The following MBP variants were observed in gnomAD, a reference collection of about 807,000 sequenced individuals.
MBP encodes myelin basic protein.
In MBP, 16 loss-of-function variants were observed where a neutral mutation model predicts 35.8. That is an observed-to-expected ratio of 0.45 (90% CI 0.30 to 0.68). MBP has a LOEUF of 0.68. MBP is among the 30% of genes least tolerant of loss of function. The probability of loss-of-function intolerance (pLI) is 0.08; values close to 1 mark genes in which losing one functional copy is unlikely to be tolerated. For missense variants in MBP, 380 were observed against 404.7 expected (o/e 0.94, Z 0.52); for synonymous variants, 143 against 159.6 (o/e 0.90, Z 0.78).
chr18:77,045,310 G>C (rs142179265), intron 3 of MBP, among the ~76,000 whole-genome samples: 6 of 152,334 alleles, frequency 3.9e-5, no homozygotes, highest in Admixed American at 3.3e-4. Flanking sequence ...GCCGGCATCA[G>C]GTCAGGGTCT....
At position 76,988,271 on chromosome 18, in the gene MBP, G is replaced by C. The variant is rs1489982331; in HGVS notation, c.750+224C>G. The C allele has an allele frequency of 1.3e-6, 2 of 1,550,984 alleles. No individual in the cohort carries two copies. Among genetic ancestry groups the C allele is most frequent in the Admixed American group, 3.9e-5 (2 of 51,042 alleles). ...AGAGGATCTGGCCTTGCAGGGCTGG[G>C]TCCCCGGCACAGAAGCAAGAGACCA... On this transcript the variant is annotated intron_variant, in intron 7 of 8. Coordinates refer to ENST00000355994, the MANE Select transcript of MBP (RefSeq NM_001025101.2). This position sits in a 1 kb window ranked among gnomAD's most constrained non-coding sequence, Gnocchi z 5.2.
chr18:77,013,610 G>C (rs1971465128), intron 4 of MBP: 2 of 985,288 alleles, frequency 2.0e-6, no homozygotes, highest in Non-Finnish European at 2.4e-6. Flanking sequence ...TAGAGGCATA[G>C]AAGTCATACT....
chr18:76,995,122 G>C (rs1011353176), intron 4 of MBP, among the ~76,000 whole-genome samples: 3 of 152,036 alleles, frequency 2.0e-5, no homozygotes, highest in African/African-American at 7.2e-5. Flanking sequence ...CAAAATATTA[G>C]GTATACATTT....
intron 2 of MBP, among the ~76,000 whole-genome samples, chr18:77,086,307 T>C (rs1975233515): frequency 6.6e-6 from 1 of 152,208 alleles, no homozygotes; most frequent in Non-Finnish European, 1.5e-5. Context: ...CTGCATGTGT[T>C]CCAAAGAGTT....
At position 76,984,867 on chromosome 18, in the gene MBP, C is replaced by T; in HGVS notation, c.778G>A (p.Gly260Ser). ...TAGTCGGACGCTCTGCCTCCGTAGC[C>T]AAATCCTGGTCTCTGGCCTTCGGCC... is the stretch of plus-strand genomic sequence containing the variant. Reference protein sequence around the residue: ...WGAEGQRPGFGYGGRASDYKS... With the variant: ...WGAEGQRPGFSYGGRASDYKS... The change falls in exon 8 of 9, where the codon GGC becomes AGC. Residue 260 changes from glycine to serine, a missense_variant. Coordinates refer to ENST00000355994, the MANE Select transcript of MBP (RefSeq NM_001025101.2). 6.2e-7 allele frequency: 1 copy of T among 1,613,788 alleles called. No homozygotes were observed.
intron 8 of MBP, 27 bp downstream of exon 8, chr18:76,984,748 A>T (rs1453690774): frequency 6.2e-7 from 1 of 1,613,504 alleles, no homozygotes; most frequent in African/African-American, 1.3e-5. Flanking sequence ...GTCCCCGCTC[A>T]GTGGAGCTGA....
chr18:77,112,169 G>GCACACACACACACA lies in MBP; in HGVS notation c.-25-6897_-25-6884dup, dbSNP rs6146398. ...CCCGTAGAATGAACACCGTGCACAC[G>GCACACACACACACA]CACACACACACACACACACACGTGC... On this transcript the variant is annotated intron_variant, in intron 1 of 8. Coordinates refer to ENST00000355994, the MANE Select transcript of MBP (RefSeq NM_001025101.2). 7.6e-3 allele frequency among the ~76,000 whole-genome samples: 1,151 copies of GCACACACACACACA among 150,984 alleles called. 13 individuals are homozygous for GCACACACACACACA. Among genetic ancestry groups the GCACACACACACACA allele is most frequent in the East Asian group, 0.022 (112 of 5,044 alleles).
intron 3 of MBP, among the ~76,000 whole-genome samples, chr18:77,055,595 C>CTCTCTCTCTG (rs1051504077): frequency 6.6e-6 from 1 of 151,564 alleles, no homozygotes; most frequent in Non-Finnish European, 1.5e-5. Flanking sequence ...TTCTCTCTCT[C>CTCTCTCTCTG]TCTCTCTTTC....
intron 1 of MBP, among the ~76,000 whole-genome samples, chr18:77,120,917 G>A (rs865986871): frequency 9.2e-5 from 14 of 152,180 alleles, no homozygotes; most frequent in African/African-American, 2.7e-4. Context: ...CAAAAATACC[G>A]CCAGGACCTT....
intron 1 of MBP, among the ~76,000 whole-genome samples, chr18:77,111,412 A>AT (rs1976446130): frequency 6.6e-6 from 1 of 152,374 alleles, no homozygotes; most frequent in African/African-American, 2.4e-5. Flanking sequence ...TATCCCAGGA[A>AT]AGGAAAACCT....
chr18:77,063,435 T>G (rs975014797), intron 3 of MBP, among the ~76,000 whole-genome samples: 6 of 152,138 alleles, frequency 3.9e-5, no homozygotes, highest in African/African-American at 1.4e-4. Flanking sequence ...CACAAGCTCC[T>G]CCCACTTCCC....
intron 1 of MBP, among the ~76,000 whole-genome samples, chr18:77,119,204 G>A (rs1420475166): frequency 6.6e-6 from 1 of 152,116 alleles, no homozygotes; most frequent in Non-Finnish European, 1.5e-5. Context: ...TGGAAGCCTC[G>A]GGAGAGGGCC....
chr18:76,991,619 C>A (rs1259271242), intron 4 of MBP, among the ~76,000 whole-genome samples: 1 of 152,122 alleles, frequency 6.6e-6, no homozygotes, highest in Admixed American at 6.5e-5. Context: ...GTTTTCCCCT[C>A]GCTTTCTCAC....
intron 2 of MBP, among the ~76,000 whole-genome samples, chr18:77,080,412 A>C (rs1162215142): frequency 6.6e-6 from 1 of 152,224 alleles, no homozygotes; most frequent in Non-Finnish European, 1.5e-5. Context: ...CCCTGCTGGC[A>C]TCTGGGGTGG....
chr18:77,105,239 C>G lies in MBP; in HGVS notation c.23G>C (p.Arg8Pro). 2 of 1,612,492 alleles carry G rather than the reference C, an allele frequency of 1.2e-6. No individual in the cohort carries two copies. The highest frequency in any genetic ancestry group is 1.7e-6 in the Non-Finnish European group (2 of 1,178,970). MGNHAGK[R>P]ELNAEKASTN... The stretch of plus-strand genomic sequence containing the variant: ...ACTGGCCTTCTCGGCATTTAATTCT[C>G]GTTTGCCTGCGTGGTTTCCCATCCT... The change falls in exon 2 of 9, where the codon CGA becomes CCA. Residue 8 changes from arginine to proline, a missense_variant. Transcript: ENST00000355994.
chr18:77,108,924 G>T (rs8094950), intron 1 of MBP: 43,970 of 152,118 alleles, frequency 0.29, 6,677 homozygotes, highest in South Asian at 0.36. Flanking sequence ...CTCAATCCAG[G>T]TTCCATCTGG....
intron 2 of MBP, among the ~76,000 whole-genome samples, chr18:77,081,763 T>TACAC (rs777705103): frequency 3.4e-5 from 4 of 116,628 alleles, no homozygotes; most frequent in African/African-American, 1.3e-4. Context: ...TATATATATA[T>TACAC]ATATACACAC....
chr18:77,071,549 A>G (rs985178699), intron 2 of MBP, among the ~76,000 whole-genome samples: 2 of 152,208 alleles, frequency 1.3e-5, no homozygotes, highest in African/African-American at 4.8e-5. Context: ...TTACTGACCC[A>G]ACCAGGGACA....
intron 2 of MBP, among the ~76,000 whole-genome samples, chr18:77,072,869 G>C (rs556424823): frequency 2.0e-5 from 3 of 152,220 alleles, no homozygotes; most frequent in Admixed American, 6.5e-5. Flanking sequence ...ACTGCAAATG[G>C]CACATTTCTC....
Sources: gnomAD v4.1 joint callset for allele counts (sites outside exome capture counted in the v4.1 genomes callset) on GRCh38, gnomAD v4.1.1 for gene constraint, Gnocchi (gnomAD v3.1) non-coding constraint, MANE v1.5 for transcripts, NCBI Gene and HGNC (gene_info 2026-07-23, HGNC 2026-07-21) for gene names.